The following LIFR variants were observed in gnomAD, a reference collection of about 807,000 sequenced individuals.
LIFR encodes LIF receptor subunit alpha.
LIFR carries 84 observed loss-of-function variants against 122.2 expected under a neutral mutation model. That is an observed-to-expected ratio of 0.69 (90% CI 0.58 to 0.82). LIFR has a LOEUF of 0.82. Among genes scored for constraint, LIFR ranks in the 40% least tolerant of loss-of-function variants. The probability of loss-of-function intolerance (pLI) is 0.00; values close to 1 mark genes in which losing one functional copy is unlikely to be tolerated. For missense variants in LIFR, 1,294 were observed against 1,311.6 expected, an observed-to-expected ratio of 0.99 and a Z score of 0.21; for synonymous variants, 422 against 434.7, an observed-to-expected ratio of 0.97 and a Z score of 0.36.
At chr5:38,507,742 C>T (rs1268452389) in intron 7 of LIFR, among the ~76,000 whole-genome samples, 1 of 151,456 alleles carries the variant, frequency 6.6e-6, no homozygotes, top group African/African-American at 2.4e-5. Context: ...AAAAAAACTA[C>T]TTGTTTAAAA....
In LIFR at chr5:38,595,010, A is replaced by G. The variant is rs1750052471; in HGVS notation, c.-20+251T>C. 4 of 183,912 alleles carry G rather than the reference A, an allele frequency of 2.2e-5. No individual in the cohort carries two copies. The South Asian group carries it at 7.9e-4, about 36-fold the overall frequency. The allele number at this position is 183,912 out of a possible 1,614,324, so 11.4% of individuals were successfully genotyped here. ...AACAAGGGCTGGTATCGTTACAGAGACTGAAGACTGAGGAAGACCATCTCT... is the reference window on the plus strand; with the variant it reads ...AACAAGGGCTGGTATCGTTACAGAGGCTGAAGACTGAGGAAGACCATCTCT... On this transcript the variant is annotated intron_variant, in intron 1 of 19. Transcript: ENST00000263409.
intron 1 of LIFR, among the ~76,000 whole-genome samples, chr5:38,549,981 G>T (rs914776100): frequency 6.6e-6 from 1 of 152,106 alleles, no homozygotes; most frequent in Non-Finnish European, 1.5e-5. Flanking sequence ...GAAAGGTATC[G>T]ACAGGAGTAT....
Position 38,523,104 on chromosome 5 carries a change from A to G in LIFR, c.561+315T>C, listed in dbSNP as rs868165046. Among the ~76,000 whole-genome samples the G allele has an allele frequency of 2.0e-5, 3 of 152,228 alleles. No individual in the cohort carries two copies. In the South Asian group the frequency reaches 6.2e-4, roughly 31 times the overall value. The stretch of plus-strand genomic sequence containing the variant: ...AAATAATACACTAAATTAAATGTGC[A>G]CTTTCATTTACATAAAAACATGCAT... On this transcript the variant is annotated intron_variant, in intron 5 of 19. Transcript: ENST00000453190.
In LIFR at chr5:38,500,230, G is replaced by C. The variant is rs534735547; in HGVS notation, c.1601-647C>G. 1.6e-4 allele frequency among the ~76,000 whole-genome samples: 25 copies of C among 152,114 alleles called. No individual in the cohort carries two copies. The East Asian group carries it at 4.8e-3, about 29-fold the overall frequency. The stretch of plus-strand genomic sequence containing the variant: ...ATATATAAATTTATTTCTAGTCCTG[G>C]ATCCTACAAACTCCATAGGCCGAGA... On this transcript the variant is annotated intron_variant, in intron 11 of 19. Coordinates refer to ENST00000453190, the MANE Select transcript of LIFR (RefSeq NM_001127671.2).
At chr5:38,534,124 T>G (rs547096944) in intron 1 of LIFR, among the ~76,000 whole-genome samples, 3 of 152,282 alleles carry the variant, frequency 2.0e-5, no homozygotes, top group Non-Finnish European at 2.9e-5. Flanking sequence ...TCATTTGTAT[T>G]CTTCCTAGTG....
chr5:38,525,377 C>T (rs1746624786), intron 4 of LIFR, among the ~76,000 whole-genome samples: 1 of 152,200 alleles, frequency 6.6e-6, no homozygotes, highest in Non-Finnish European at 1.5e-5. Flanking sequence ...GGACCAATTA[C>T]ATATAGTCAT....
At chr5:38,523,353 G>T in intron 5 of LIFR, 66 bp downstream of exon 5, 1 of 1,353,936 alleles carries the variant, frequency 7.4e-7, no homozygotes, top group South Asian at 1.3e-5. Context: ...ACCACCTTAA[G>T]GCTTCTTAAA....
intron 1 of LIFR, among the ~76,000 whole-genome samples, chr5:38,593,388 A>G (rs773502923): frequency 2.6e-5 from 4 of 152,230 alleles, no homozygotes; most frequent in Non-Finnish European, 5.9e-5. Context: ...CATGGAGTTA[A>G]GTTTAAATTA....
chr5:38,542,263 G>T (rs965258926), intron 1 of LIFR, among the ~76,000 whole-genome samples: 20 of 152,144 alleles, frequency 1.3e-4, no homozygotes, highest in African/African-American at 4.8e-4. Flanking sequence ...CAACTTGAGG[G>T]TAAGGCATCA....
chr5:38,598,035 AG>A (rs1750140798), upstream of LIFR, among the ~76,000 whole-genome samples: 1 of 151,910 alleles, frequency 6.6e-6, no homozygotes, highest in African/African-American at 2.4e-5. Flanking sequence ...AGAAAAAAAA[AG>A]GTTGAGAAAC....
rs1201396183 is a variant in LIFR at position 38,506,629 on chromosome 5, G to A, written c.995C>T (p.Pro332Leu). Residue 332 changes from proline (P) to leucine (L), a missense_variant, in exon 8 of 20, where the codon CCA (proline) becomes CTA (leucine). Physicochemically the swap from Pro to Leu is moderately conservative, Grantham distance 98 (BLOSUM62 -3). Transcript: ENST00000453190. ...IFGTVIFAGY[P>L]PDTPQQLNCE... is the part of the protein sequence containing the mutation. Reference sequence around the variant, plus strand: ...ATTCAGTTGTTGAGGAGTATCTGGTGGATCTAACAGAAAAAAAATGCAGGT... The same window carrying A: ...ATTCAGTTGTTGAGGAGTATCTGGTAGATCTAACAGAAAAAAAATGCAGGT... 1 of 1,611,658 alleles carries A rather than the reference G, an allele frequency of 6.2e-7. No homozygotes were observed. Among genetic ancestry groups the A allele is most frequent in the Admixed American group, 1.7e-5 (1 of 59,996 alleles).
intron 13 of LIFR, among the ~76,000 whole-genome samples, chr5:38,495,977 GT>G (rs545628979): frequency 1.4e-3 from 197 of 143,834 alleles, no homozygotes; most frequent in East Asian, 8.8e-3. Context: ...TAAAATAAGC[GT>G]TTTTTTTTTT....
chr5:38,509,403 G>A (rs560894065), intron 7 of LIFR, among the ~76,000 whole-genome samples: 12 of 152,094 alleles, frequency 7.9e-5, no homozygotes, highest in African/African-American at 2.7e-4. Flanking sequence ...ATGCATTACT[G>A]AGCAGACAAA....
At chr5:38,596,990 T>C (rs1750115069), upstream of LIFR, among the ~76,000 whole-genome samples, 1 of 152,258 alleles carries the variant, frequency 6.6e-6, no homozygotes, top group Admixed American at 6.5e-5. Context: ...GGGGAGCCTT[T>C]CTGGGACAGG....
intron 1 of LIFR, among the ~76,000 whole-genome samples, chr5:38,539,839 A>G (rs1747491004): frequency 6.6e-6 from 1 of 152,174 alleles, no homozygotes; most frequent in African/African-American, 2.4e-5. Flanking sequence ...GATATTATGC[A>G]TTATTTAAAT....
chr5:38,550,744 T>C (rs1228889283), intron 1 of LIFR, among the ~76,000 whole-genome samples: 1 of 152,216 alleles, frequency 6.6e-6, no homozygotes, highest in Non-Finnish European at 1.5e-5. Context: ...GAGGAGCTGT[T>C]GGTTCTAGAG....
intron 18 of LIFR, 106 bp downstream of exon 18, chr5:38,484,667 CTT>C: frequency 1.3e-6 from 1 of 743,670 alleles, no homozygotes; most frequent in Non-Finnish European, 2.4e-6. Flanking sequence ...TTTTAACTAA[CTT>C]ATTACAACAA....
intron 1 of LIFR, chr5:38,594,814 A>C (rs1750044524): frequency 5.3e-6 from 1 of 187,182 alleles, no homozygotes; most frequent in South Asian, 1.9e-4. Flanking sequence ...ATGGAAAAAA[A>C]GCGAAACAAT....
At chr5:38,590,427 T>C (rs1749887016) in intron 1 of LIFR, among the ~76,000 whole-genome samples, 1 of 152,148 alleles carries the variant, frequency 6.6e-6, no homozygotes, top group South Asian at 2.1e-4. Context: ...CATTTGGGTA[T>C]CTCCTTTGAC....
Sources: gnomAD v4.1 joint callset for allele counts (sites outside exome capture counted in the v4.1 genomes callset) on GRCh38, gnomAD v4.1.1 for gene constraint, MANE v1.5 for transcripts, NCBI Gene and HGNC (gene_info 2026-07-23, HGNC 2026-07-21) for gene names.